The following FBXW7 variants were observed in gnomAD, a reference collection of about 807,000 sequenced individuals.
FBXW7 encodes the protein F-box/WD repeat-containing protein 7.
A neutral mutation model predicts 86.3 loss-of-function variants in FBXW7; 11 were observed. That is an observed-to-expected ratio of 0.13 (90% CI 0.08 to 0.21). The LOEUF is 0.21. Among genes scored for constraint, FBXW7 ranks in the 10% least tolerant of loss-of-function variants. The pLI, the probability that FBXW7 is intolerant of heterozygous loss-of-function variation, is 1.00. For synonymous variants in FBXW7, 313 were observed against 297.9 expected (o/e 1.05, Z -0.52); for missense variants, 488 against 847.4 (o/e 0.58, Z 5.27).
At chr4:152,468,067 G>A (rs1201844047) in intron 2 of FBXW7, among the ~76,000 whole-genome samples, 2 of 151,930 alleles carry the variant, frequency 1.3e-5, no homozygotes, top group East Asian at 3.9e-4. Flanking sequence ...CTTATCATTA[G>A]TCATTATCCA....
At chr4:152,324,460 T>C (rs1728822486) in intron 12 of FBXW7, 66 bp from the exon 13 acceptor site, 1 of 1,295,708 alleles carries the variant, frequency 7.7e-7, no homozygotes, top group Non-Finnish European at 1.1e-6. Context: ...CTGACCTTAA[T>C]CCTAGTAGGA....
chr4:152,495,261 C>T (rs764799564), intron 2 of FBXW7, among the ~76,000 whole-genome samples: 11 of 151,980 alleles, frequency 7.2e-5, no homozygotes, highest in Admixed American at 2.0e-4. Context: ...GGTGAAACCC[C>T]GTCTCTACTA....
intron 4 of FBXW7, among the ~76,000 whole-genome samples, chr4:152,364,830 A>C (rs1733317566): frequency 6.6e-6 from 1 of 152,176 alleles, no homozygotes; most frequent in African/African-American, 2.4e-5. Context: ...ACTTTGTCTC[A>C]AGTATCTCCA....
intron 4 of FBXW7, among the ~76,000 whole-genome samples, chr4:152,404,472 TAC>T (rs921831863): frequency 2.0e-5 from 3 of 152,198 alleles, no homozygotes; most frequent in African/African-American, 7.2e-5. Flanking sequence ...TGTAGATACA[TAC>T]ACACACACAT....
At chr4:152,332,849 A>G in intron 7 of FBXW7, 130 bp from the exon 8 acceptor site, 1 of 336,410 alleles carries the variant, frequency 3.0e-6, no homozygotes, top group Non-Finnish European at 4.5e-6. Flanking sequence ...TAAAATTATG[A>G]AAGGCAGTAA....
At chr4:152,421,079 G>C (rs1220217329) in intron 2 of FBXW7, among the ~76,000 whole-genome samples, 4 of 152,212 alleles carry the variant, frequency 2.6e-5, no homozygotes, top group East Asian at 3.9e-4. Flanking sequence ...ATCTTAGCTA[G>C]ACATTCTAGA....
intron 7 of FBXW7, among the ~76,000 whole-genome samples, chr4:152,337,286 C>T (rs1730231363): frequency 6.6e-6 from 1 of 151,838 alleles, no homozygotes; most frequent in Non-Finnish European, 1.5e-5. Flanking sequence ...AAAATATACA[C>T]ATGTGAAATT....
intron 2 of FBXW7, among the ~76,000 whole-genome samples, chr4:152,432,955 T>C (rs1171950067): frequency 6.6e-6 from 1 of 152,208 alleles, no homozygotes; most frequent in Non-Finnish European, 1.5e-5. Context: ...TTTTGAAACA[T>C]CATTTTTATA....
At chr4:152,403,706 T>G (rs1737151105) in intron 4 of FBXW7, among the ~76,000 whole-genome samples, 1 of 152,046 alleles carries the variant, frequency 6.6e-6, no homozygotes, top group East Asian at 1.9e-4. Flanking sequence ...CCTATTAGAA[T>G]CTAATGCCAC....
chr4:152,382,103 T>C, intron 4 of FBXW7: 1 of 903,656 alleles, frequency 1.1e-6, no homozygotes, highest in Non-Finnish European at 1.6e-6. Flanking sequence ...AAATAAAAAC[T>C]GAAATTTGAG....
At chr4:152,517,619 T>C (rs527859585) in intron 2 of FBXW7, among the ~76,000 whole-genome samples, 1 of 152,340 alleles carries the variant, frequency 6.6e-6, no homozygotes, top group East Asian at 1.9e-4. Context: ...CATGTTTAAC[T>C]TCTCTATGCC....
At chr4:152,346,830 T>C (rs1731309856) in intron 6 of FBXW7, 100 bp downstream of exon 6, 7 of 1,474,440 alleles carry the variant, frequency 4.7e-6, no homozygotes, top group Non-Finnish European at 6.5e-6. Context: ...ATCCACAGTA[T>C]ACTATGTAAC....
At chr4:152,520,917 T>C (rs1425760491) in intron 2 of FBXW7, among the ~76,000 whole-genome samples, 1 of 152,194 alleles carries the variant, frequency 6.6e-6, no homozygotes, top group Admixed American at 6.5e-5. Context: ...GGGATTTGCT[T>C]CTAATTCATT....
At chr4:152,449,172 T>C (rs1741682668) in intron 2 of FBXW7, among the ~76,000 whole-genome samples, 2 of 152,332 alleles carry the variant, frequency 1.3e-5, no homozygotes, top group Admixed American at 6.5e-5. Context: ...CTTTTATGAC[T>C]CTACAATTCA....
intron 4 of FBXW7, among the ~76,000 whole-genome samples, chr4:152,385,818 C>T (rs1735476639): frequency 6.6e-6 from 1 of 151,874 alleles, no homozygotes. Context: ...GCAAACCAAA[C>T]GCTGTAACAG....
chr4:152,413,899 T>A (rs953011769), intron 2 of FBXW7, among the ~76,000 whole-genome samples: 1 of 152,140 alleles, frequency 6.6e-6, no homozygotes, highest in Non-Finnish European at 1.5e-5. Flanking sequence ...TATGAAACAT[T>A]TCTGGTATCT....
chr4:152,518,573 A>C (rs757976081), intron 2 of FBXW7, among the ~76,000 whole-genome samples: 5 of 152,366 alleles, frequency 3.3e-5, no homozygotes, highest in Non-Finnish European at 4.4e-5. Context: ...CTGGGATTAT[A>C]GGCATAAGCC....
At chr4:152,450,272 G>A (rs1407971018) in intron 2 of FBXW7, among the ~76,000 whole-genome samples, 3 of 152,102 alleles carry the variant, frequency 2.0e-5, no homozygotes, top group East Asian at 1.9e-4. Flanking sequence ...CCTTTTACTC[G>A]CCTGCTGGAG....
At chr4:152,365,863 GTC>G (rs1344268786) in intron 4 of FBXW7, among the ~76,000 whole-genome samples, 1 of 152,218 alleles carries the variant, frequency 6.6e-6, no homozygotes, top group East Asian at 1.9e-4. Context: ...TTAAATATTT[GTC>G]TGTCTTCTCC....
Sources: allele counts gnomAD v4.1 joint callset (sites outside exome capture counted in the v4.1 genomes callset), GRCh38; gene constraint gnomAD v4.1.1; transcripts MANE v1.5; gene names NCBI Gene and HGNC (gene_info 2026-07-23, HGNC 2026-07-21).